EIF3H: variants seen among roughly 807,000 people sequenced by gnomAD.
EIF3H encodes eIF-3-gamma.
A neutral mutation model predicts 44.2 loss-of-function variants in EIF3H; 26 were observed. The ratio of observed to expected loss-of-function variants is 0.59; its 90% confidence interval spans 0.43 to 0.82. The LOEUF is 0.82. Ranked by LOEUF, EIF3H falls within the 40% of genes least tolerant of loss-of-function variation. The pLI, the probability that EIF3H is intolerant of heterozygous loss-of-function variation, is 0.00. For synonymous variants in EIF3H, 166 were observed against 151.9 expected (o/e 1.09, Z -0.68); for missense variants, 359 against 432.8 (o/e 0.83, Z 1.51).
chr8:116,751,217 A>AAAAATAAAATAAAAT (rs369075600), intron 1 of EIF3H, among the ~76,000 whole-genome samples: 3 of 147,130 alleles, frequency 2.0e-5, no homozygotes, highest in Non-Finnish European at 3.0e-5. Flanking sequence ...GTCTCAAAAA[A>AAAAATAAAATAAAAT]AAAATAAAAT....
chr8:116,645,447 TAACAATA>T (rs1813281757), intron 7 of EIF3H, among the ~76,000 whole-genome samples: 1 of 152,306 alleles, frequency 6.6e-6, no homozygotes, highest in African/African-American at 2.4e-5. Context: ...AAGGAGATAC[TAACAATA>T]AATCACAGAG....
chr8:116,686,852 G>C (rs1465436955), intron 2 of EIF3H, among the ~76,000 whole-genome samples: 4 of 152,124 alleles, frequency 2.6e-5, no homozygotes, highest in Admixed American at 2.6e-4. Flanking sequence ...TGTGCAAAGG[G>C]ATAAAAATGT....
In EIF3H at chr8:116,755,772, C is replaced by A. The variant is rs148484529; in HGVS notation, c.26G>T (p.Gly9Val). Residue 9 changes from glycine (G) to valine (V), a missense_variant, in exon 1 of 8, where the codon GGC becomes GTC. This residue lies in a region of EIF3H where 59 missense variants were observed against 33.5 expected (regional missense o/e 1.76). Transcript: ENST00000521861. Reference sequence around the variant, plus strand: ...GGAGCTGGAAGAGGTGGCAGTAGAGCCGGTACCTTCCTTGCGGGACGCCAT... The same window carrying A: ...GGAGCTGGAAGAGGTGGCAGTAGAGACGGTACCTTCCTTGCGGGACGCCAT... MASRKEGT[G>V]STATSSSSTA... 1.2e-4 allele frequency: 197 copies of A among 1,613,912 alleles called. No homozygotes were observed. Among genetic ancestry groups the A allele is most frequent in the Non-Finnish European group, 1.4e-4 (162 of 1,180,038 alleles).
intron 2 of EIF3H, among the ~76,000 whole-genome samples, chr8:116,676,024 G>T (rs1813840831): frequency 6.6e-6 from 1 of 152,138 alleles, no homozygotes; most frequent in African/African-American, 2.4e-5. Flanking sequence ...AAAAAAATTA[G>T]CTGCTATTTT....
rs925673011 is a variant in EIF3H, at chr8:116,644,597, CA to C, written c.*408del. 8.1e-4 allele frequency: 123 copies of C among 152,484 alleles called. No individual in the cohort carries two copies. The highest frequency in any genetic ancestry group is 3.3e-3 in the Middle Eastern group (1 of 306). The allele number at this position is 152,484 out of a possible 1,614,324, so 9.4% of individuals were successfully genotyped here. On this transcript the variant is annotated 3_prime_UTR_variant, in exon 8 of 8. Coordinates refer to ENST00000521861, the MANE Select transcript of EIF3H (RefSeq NM_003756.3). ...TTGGGAGCAGCGAAGTATAAAAATT[CA>C]AAAAAAAAATATTCACAGTAGATGC...
chr8:116,651,740 A>G (rs928044602), intron 5 of EIF3H, among the ~76,000 whole-genome samples: 40 of 152,202 alleles, frequency 2.6e-4, no homozygotes, highest in African/African-American at 8.4e-4. Flanking sequence ...ATTTCTAAAT[A>G]GTTGATTTAA....
At chr8:116,715,413 A>T (rs1814646348) in intron 2 of EIF3H, among the ~76,000 whole-genome samples, 1 of 152,116 alleles carries the variant, frequency 6.6e-6, no homozygotes, top group Admixed American at 6.5e-5. Flanking sequence ...ATAATTATAC[A>T]TGGTGCACAC....
intron 2 of EIF3H, among the ~76,000 whole-genome samples, chr8:116,686,254 A>C (rs914022315): frequency 2.0e-5 from 3 of 152,174 alleles, no homozygotes; most frequent in African/African-American, 7.2e-5. Context: ...CTGAATCAAA[A>C]CATTATTACT....
chr8:116,689,262 C>T (rs1381731376), intron 2 of EIF3H: 2 of 283,568 alleles, frequency 7.1e-6, no homozygotes, highest in Non-Finnish European at 1.4e-5. Context: ...TTTGAGGATA[C>T]CAGAGACTGG....
chr8:116,743,769 C>CATATAT (rs150883678), intron 1 of EIF3H, among the ~76,000 whole-genome samples: 76 of 96,986 alleles, frequency 7.8e-4, no homozygotes, highest in Non-Finnish European at 1.1e-3. Context: ...AAAATACATA[C>CATATAT]ATATATATAT....
chr8:116,652,160 A>G (rs1022328793), intron 5 of EIF3H, among the ~76,000 whole-genome samples: 3 of 152,206 alleles, frequency 2.0e-5, no homozygotes, highest in African/African-American at 7.2e-5. Context: ...GAAGAGCTAT[A>G]GTTTCACAGG....
intron 1 of EIF3H, among the ~76,000 whole-genome samples, chr8:116,726,673 G>A (rs199842208): frequency 1.2e-4 from 18 of 152,110 alleles, no homozygotes; most frequent in Non-Finnish European, 2.5e-4. Context: ...TGCAACAACG[G>A]GAACACGTAC....
rs1813259395 is a variant in EIF3H at position 116,643,897 on chromosome 8, G to A, written c.*1109C>T. ...TGGTGATGCACAAACAGCAAAATCT[G>A]TGATTATCTTTAAAATATAAAAATT... On this transcript the variant is annotated 3_prime_UTR_variant, in exon 8 of 8. Coordinates refer to ENST00000521861, the MANE Select transcript of EIF3H (RefSeq NM_003756.3). 6.6e-6 allele frequency: 1 copy of A among 152,198 alleles called. No homozygotes were observed. The allele number at this position is 152,198 out of a possible 1,614,324, so 9.4% of individuals were successfully genotyped here. A position where few individuals can be genotyped will look rare whatever the true frequency, so the allele number is the denominator to read the frequency against.
At chr8:116,753,470 TTCACCAC>T (rs1327687373) in intron 1 of EIF3H, among the ~76,000 whole-genome samples, 1 of 152,224 alleles carries the variant, frequency 6.6e-6, no homozygotes, top group African/African-American at 2.4e-5. Context: ...TATGAGCGTT[TTCACCAC>T]TGAAAAGGTA....
chr8:116,689,193 T>G (rs1814131256), intron 2 of EIF3H: 2 of 396,208 alleles, frequency 5.0e-6, no homozygotes, highest in Non-Finnish European at 1.0e-5. Flanking sequence ...ACAAATATTG[T>G]ATAATTCCAC....
chr8:116,647,531 C>A (rs2130772561), intron 6 of EIF3H, among the ~76,000 whole-genome samples: 1 of 152,276 alleles, frequency 6.6e-6, no homozygotes, highest in South Asian at 2.1e-4. Flanking sequence ...GAAGAGAAAG[C>A]AGGGATATAT....
chr8:116,729,207 T>C lies in EIF3H; in HGVS notation c.133-3035A>G, dbSNP rs539088567. On this transcript the variant is annotated intron_variant, in intron 1 of 7. Transcript: ENST00000521861. Reference sequence around the variant, plus strand: ...TAGAAGATATATGAGCTTAACATAGTTCTTCAGACAAATTCTAGAAGTGAT... The same window carrying C: ...TAGAAGATATATGAGCTTAACATAGCTCTTCAGACAAATTCTAGAAGTGAT... Among the ~76,000 whole-genome samples, 6 of 152,330 alleles carry C rather than the reference T, an allele frequency of 3.9e-5. No homozygotes were observed. In the East Asian group the frequency reaches 1.2e-3, roughly 29 times the overall value.
intron 1 of EIF3H, among the ~76,000 whole-genome samples, chr8:116,733,755 G>C (rs946784705): frequency 5.3e-5 from 8 of 151,682 alleles, no homozygotes; most frequent in African/African-American, 1.9e-4. Context: ...AACCTCTATT[G>C]CAAGCTTTGA....
At chr8:116,728,267 C>T (rs1402886816) in intron 1 of EIF3H, among the ~76,000 whole-genome samples, 1 of 109,284 alleles carries the variant, frequency 9.2e-6, no homozygotes, top group African/African-American at 3.8e-5. Flanking sequence ...TTCTCACAAC[C>T]ACCTTAGGAG....
Sources: allele counts gnomAD v4.1 joint callset (sites outside exome capture counted in the v4.1 genomes callset), GRCh38; gene constraint gnomAD v4.1.1; regional missense constraint gnomAD v4.1.1; transcripts MANE v1.5; gene names NCBI Gene and HGNC (gene_info 2026-07-23, HGNC 2026-07-21).